Variants in DNAI3 observed in about 807,000 individuals in gnomAD.
DNAI3 encodes dynein axonemal intermediate chain 3.
In DNAI3, 83 loss-of-function variants were observed where a neutral mutation model predicts 115.5. The ratio of observed to expected loss-of-function variants is 0.72; its 90% CI spans 0.60 to 0.86. DNAI3 has a LOEUF of 0.86. DNAI3 is among the 40% of genes least tolerant of loss of function. The pLI is 0.00. For missense variants in DNAI3, 1,004 were observed against 1,075.8 expected (o/e 0.93, Z 0.93); for synonymous variants, 320 against 347.0 (o/e 0.92, Z 0.86).
chr1:85,127,875 G>A (rs910276578), intron 20 of DNAI3, among the ~76,000 whole-genome samples: 12 of 152,194 alleles, frequency 7.9e-5, no homozygotes, highest in African/African-American at 2.4e-4. Flanking sequence ...AGCACTTTGG[G>A]AGGCTGAGTG....
chr1:85,080,504 T>C (rs1185889343), intron 3 of DNAI3, among the ~76,000 whole-genome samples: 3 of 152,090 alleles, frequency 2.0e-5, no homozygotes, highest in African/African-American at 7.2e-5. Context: ...CCATTTTGAT[T>C]AGCAGGTGGG....
rs777533075 is a variant in DNAI3 at position 85,093,536 on chromosome 1, C to A, written c.936C>A (p.Gly312=). The A allele has an allele frequency of 1.9e-5, 30 of 1,614,096 alleles. No individual in the cohort carries two copies. Among genetic ancestry groups the A allele is most frequent in the South Asian group, 1.1e-4 (10 of 91,072 alleles). Residue 312 remains glycine (G), a synonymous_variant, in exon 9 of 23, where the codon GGC becomes GGA. Transcript: ENST00000294664. ...GGAAATACCTCGCAGAAGAAGAAGG[C>A]ACCTTTGGGGACAAGACCGATACCC... The part of the protein sequence containing the change: ...DDWKYLAEEE[G]TFGDKTDTHL...
intron 13 of DNAI3, 23 bp downstream of exon 13, chr1:85,098,681 T>A: frequency 3.1e-6 from 5 of 1,604,248 alleles, no homozygotes; most frequent in Non-Finnish European, 4.2e-6. Flanking sequence ...GGCCTTATAC[T>A]TTTCTCCTGC....
chr1:85,092,949 T>C (rs1373674017), intron 8 of DNAI3, among the ~76,000 whole-genome samples: 1 of 152,174 alleles, frequency 6.6e-6, no homozygotes, highest in African/African-American at 2.4e-5. Flanking sequence ...AGAATATGCC[T>C]AAGAAAACTG....
intron 7 of DNAI3, among the ~76,000 whole-genome samples, chr1:85,088,307 C>T (rs1654857423): frequency 6.6e-6 from 1 of 151,844 alleles, no homozygotes; most frequent in South Asian, 2.1e-4. Flanking sequence ...AGGGAGTAAA[C>T]AGATGAGAAA....
intron 3 of DNAI3, among the ~76,000 whole-genome samples, chr1:85,078,117 G>A (rs1353133205): frequency 6.6e-6 from 1 of 152,054 alleles, no homozygotes; most frequent in Admixed American, 6.6e-5. Flanking sequence ...TTGTCTATGT[G>A]TAGAGAAGCA....
chr1:85,126,713 CT>C lies in DNAI3; in HGVS notation c.2317del (p.Ser773LeufsTer6). On this transcript the variant is annotated frameshift_variant and splice_region_variant, in exon 20 of 23. Transcript: ENST00000294664. LOFTEE classifies it high-confidence loss of function. ...ACCTACATCAAACCCTGGATCTTTT[CT>C]TGTATGTTAATTCTAACTAAATAAG... ...MITYIKPWIFSSKQQFIATAD... is the reference protein window; with the variant it reads ...MITYIKPWIFXSKQQFIATAD... 1 of 1,614,082 alleles carries C rather than the reference CT, an allele frequency of 6.2e-7. No individual in the cohort carries two copies. Among genetic ancestry groups the C allele is most frequent in the Non-Finnish European group, 8.5e-7 (1 of 1,179,994 alleles).
intron 15 of DNAI3, among the ~76,000 whole-genome samples, chr1:85,108,988 C>CTGCCTATCAAAATTT (rs1655576941): frequency 6.6e-6 from 1 of 152,170 alleles, no homozygotes; most frequent in Non-Finnish European, 1.5e-5. Context: ...AGCCAAAATT[C>CTGCCTATCAAAATTT]TGCCTATCAA....
At position 85,117,779 on chromosome 1, in the gene DNAI3, T is replaced by G; in HGVS notation, c.1837T>G (p.Tyr613Asp). ...AGAGAAGGCAGAAGAAATGAACCCG[T>G]ATCATAATCTGGAAAGTGGGATGGC... ...KTEKAEEMNP[Y>D]HNLESGMANL... The change falls in exon 17 of 23, where the codon TAT (tyrosine) becomes GAT (aspartate). Residue 613 changes from tyrosine (Y) to aspartate (D), a missense_variant. Tyr to Asp is a radical substitution (Grantham distance 160, BLOSUM62 -3). Around this residue, in one of 3 missense-constraint regions of DNAI3, gnomAD observed 429 missense variants for 454.3 expected, o/e 0.94. Transcript: ENST00000294664. The G allele has an allele frequency of 6.2e-7, 1 of 1,613,964 alleles. No individual in the cohort carries two copies. Among genetic ancestry groups the G allele is most frequent in the Non-Finnish European group, 8.5e-7 (1 of 1,179,842 alleles).
intron 21 of DNAI3, among the ~76,000 whole-genome samples, chr1:85,129,231 A>AC (rs11438600): frequency 0.13 from 19,733 of 151,958 alleles, 1,424 homozygotes; most frequent in South Asian, 0.27. Context: ...GGTATTCTGC[A>AC]CCCCCCACAC....
chr1:85,087,830 A>C (rs531560200), intron 7 of DNAI3, among the ~76,000 whole-genome samples: 30 of 152,336 alleles, frequency 2.0e-4, no homozygotes, highest in African/African-American at 7.0e-4. Context: ...ATCAGGGCTC[A>C]GCACCATGGA....
At chr1:85,094,174 T>C (rs1198942478) in intron 9 of DNAI3, 1 of 499,960 alleles carries the variant, frequency 2.0e-6, no homozygotes, top group Non-Finnish European at 3.6e-6. Flanking sequence ...AGATTTTCTT[T>C]TCTTCCAAAA....
At chr1:85,072,056 A>G (rs777306203) in intron 2 of DNAI3, 51 bp downstream of exon 2, 62 of 1,506,196 alleles carry the variant, frequency 4.1e-5, no homozygotes, top group South Asian at 9.7e-5. Context: ...ATTTGTGTAT[A>G]TATTAGCAGC....
Position 85,090,038 on chromosome 1 carries a change from C to T in DNAI3, c.741-78C>T, listed in dbSNP as rs144144511. 47 of 553,488 alleles carry T rather than the reference C, an allele frequency of 8.5e-5. No homozygotes were observed. In the African/African-American group the frequency reaches 9.1e-4, roughly 11 times the overall value. The allele number at this position is 553,488 out of a possible 1,614,324, so 34.3% of individuals were successfully genotyped here. Reference sequence around the variant, plus strand: ...TCCTAACATCATTGTCACAGAGACACACTTTTGACCTGTTGTGGCCCATAT... The same window carrying T: ...TCCTAACATCATTGTCACAGAGACATACTTTTGACCTGTTGTGGCCCATAT... On this transcript the variant is annotated intron_variant, in intron 7 of 22. Transcript: ENST00000294664.
chr1:85,085,237 A>G (rs1044264363), intron 6 of DNAI3, among the ~76,000 whole-genome samples: 1 of 152,230 alleles, frequency 6.6e-6, no homozygotes, highest in African/African-American at 2.4e-5. Context: ...TCTAGCCTCC[A>G]CAACTGTAAG....
intron 14 of DNAI3, among the ~76,000 whole-genome samples, chr1:85,105,520 C>T (rs1655460589): frequency 8.7e-6 from 1 of 115,324 alleles, no homozygotes; most frequent in African/African-American, 3.4e-5. Flanking sequence ...AAGAGTGAAA[C>T]TCTGTCTCAA....
chr1:85,101,637 A>G (rs1359575431), intron 13 of DNAI3, among the ~76,000 whole-genome samples: 1 of 144,124 alleles, frequency 6.9e-6, no homozygotes, highest in African/African-American at 2.5e-5. Context: ...CTGAGGCGGG[A>G]GAATGGTGTG....
chr1:85,102,684 C>T (rs771371375), intron 13 of DNAI3, among the ~76,000 whole-genome samples: 21 of 152,158 alleles, frequency 1.4e-4, no homozygotes, highest in Admixed American at 2.6e-4. Flanking sequence ...GATTTTCAAA[C>T]TGTTTGACCA....
intron 1 of DNAI3, among the ~76,000 whole-genome samples, chr1:85,066,686 T>C (rs1193488134): frequency 6.6e-6 from 1 of 152,194 alleles, no homozygotes; most frequent in Non-Finnish European, 1.5e-5. Flanking sequence ...AAAAATGTTA[T>C]GCATATTTCA....
Sources: allele counts gnomAD v4.1 joint callset (sites outside exome capture counted in the v4.1 genomes callset), GRCh38; gene constraint gnomAD v4.1.1; regional missense constraint gnomAD v4.1.1; transcripts MANE v1.5; gene names NCBI Gene and HGNC (gene_info 2026-07-23, HGNC 2026-07-21).